Variants in NCKAP1L observed in about 807,000 individuals in gnomAD.
The protein encoded by NCKAP1L is nck-associated protein 1-like.
A neutral mutation model predicts 139.2 loss-of-function variants in NCKAP1L; 53 were observed. The observed-to-expected ratio is 0.38, with a 90% CI of 0.31 to 0.48. The LOEUF is 0.48. Ranked by LOEUF, NCKAP1L falls within the 20% of genes least tolerant of loss-of-function variation. NCKAP1L has a pLI of 0.98. For missense variants in NCKAP1L, 1,151 were observed against 1,381.9 expected, an observed-to-expected ratio of 0.83 and a Z score of 2.65; for synonymous variants, 468 against 499.7, an observed-to-expected ratio of 0.94 and a Z score of 0.85.
intron 30 of NCKAP1L, among the ~76,000 whole-genome samples, chr12:54,541,148 A>G (rs60666964): frequency 0.16 from 23,939 of 152,218 alleles, 2,645 homozygotes; most frequent in African/African-American, 0.32. Context: ...GAATCATGGA[A>G]TCCTAGATGC....
At chr12:54,520,648 T>A (rs930714989) in intron 16 of NCKAP1L, 46 bp from the exon 17 acceptor site, 2 of 1,607,844 alleles carry the variant, frequency 1.2e-6, no homozygotes, top group Admixed American at 1.7e-5. Context: ...ACCACTTTAC[T>A]AATAAGGACT....
chr12:54,516,778 G>A, intron 10 of NCKAP1L, 118 bp from the exon 11 acceptor site: 1 of 858,210 alleles, frequency 1.2e-6, no homozygotes. Context: ...TCTAACTTGA[G>A]CATTGAACCT....
At chr12:54,518,331 G>T (rs543272598) in intron 13 of NCKAP1L, among the ~76,000 whole-genome samples, 7 of 150,348 alleles carry the variant, frequency 4.7e-5, no homozygotes, top group African/African-American at 1.7e-4. Flanking sequence ...GACAGAGCGA[G>T]ACTCTGTCTC....
rs376475018 is a variant in NCKAP1L at position 54,512,116 on chromosome 12, C to T, written c.941+11C>T. The T allele has an allele frequency of 1.6e-5, 26 of 1,613,020 alleles. 1 individual carries two copies. Among genetic ancestry groups the T allele is most frequent in the East Asian group, 1.3e-4 (6 of 44,888 alleles). ...TAGCAGTTTGAAAGGGTGAGAGACA[C>T]GAGAGCCAAACTGATCTTCCTTGAA... On this transcript the variant is annotated intron_variant, in intron 9 of 30. Transcript: ENST00000293373.
chr12:54,516,843 A>G, intron 10 of NCKAP1L, 53 bp from the exon 11 acceptor site: 1 of 1,482,224 alleles, frequency 6.7e-7, no homozygotes, highest in Non-Finnish European at 9.4e-7. Flanking sequence ...CTGCCTGTGG[A>G]GGGTTTTTAA....
chr12:54,532,132 A>G (rs1308885139), intron 25 of NCKAP1L, 38 bp from the exon 26 acceptor site: 1 of 1,467,196 alleles, frequency 6.8e-7, no homozygotes, highest in South Asian at 1.2e-5. Flanking sequence ...GGCATTGGTC[A>G]TGGTCTTGTG....
chr12:54,523,644 G>A, intron 19 of NCKAP1L, 105 bp downstream of exon 19: 7 of 1,475,042 alleles, frequency 4.7e-6, no homozygotes, highest in Non-Finnish European at 6.4e-6. Context: ...GTCATGGTGG[G>A]GAATGAGGGG....
intron 7 of NCKAP1L, 66 bp from the exon 8 acceptor site, chr12:54,511,728 GATCCTAGTT>G: frequency 1.3e-6 from 2 of 1,530,216 alleles, no homozygotes; most frequent in South Asian, 2.4e-5. Flanking sequence ...TTGATACTCA[GATCCTAGTT>G]TGTCCTTTCT....
At chr12:54,518,256 G>A (rs556240603) in intron 13 of NCKAP1L, among the ~76,000 whole-genome samples, 3 of 152,046 alleles carry the variant, frequency 2.0e-5, no homozygotes, top group East Asian at 3.9e-4. Flanking sequence ...GCAGGAGAAC[G>A]GCGTGAACCC....
chr12:54,505,315 C>G (rs937134186), intron 3 of NCKAP1L, among the ~76,000 whole-genome samples: 4 of 152,112 alleles, frequency 2.6e-5, no homozygotes, highest in African/African-American at 7.2e-5. Context: ...TTAGACACAG[C>G]CTTTTTTTGG....
rs896727618 is a variant in NCKAP1L, at chr12:54,527,319, T to C, written c.2375+573T>C. ...GTGGCGCTCTTAACCCAAAATCAGC[T>C]CAGTAGGCGACAGGCTGCAAAGAAG... On this transcript the variant is annotated intron_variant, in intron 21 of 30. Coordinates refer to ENST00000293373, the MANE Select transcript of NCKAP1L (RefSeq NM_005337.5). Among the ~76,000 whole-genome samples the C allele has an allele frequency of 3.6e-4, 54 of 152,006 alleles. 1 individual carries two copies. Among genetic ancestry groups the C allele is most frequent in the African/African-American group, 1.1e-3 (46 of 41,366 alleles).
intron 21 of NCKAP1L, 37 bp downstream of exon 21, chr12:54,526,783 G>A (rs935198791): frequency 5.1e-6 from 8 of 1,564,966 alleles, no homozygotes; most frequent in African/African-American, 2.7e-5. Flanking sequence ...GCCTTACTTT[G>A]TGTTGGCACT....
In NCKAP1L at chr12:54,547,503, C is replaced by CGTGTGTGTGTGTGTGTGT. The variant is rs10691039; in HGVS notation, c.*4832_*4849dup. ...TCACGAATAACTTTGTGTGTGTGTG[C>CGTGTGTGTGTGTGTGTGT]GTGTGTGTGTGTGTGTGTGTGTGTG... On this transcript the variant is annotated 3_prime_UTR_variant, in exon 31 of 31. Transcript: ENST00000293373. 4 of 146,698 alleles carry CGTGTGTGTGTGTGTGTGT rather than the reference C, an allele frequency of 2.7e-5. No individual in the cohort carries two copies. Among genetic ancestry groups the CGTGTGTGTGTGTGTGTGT allele is most frequent in the Non-Finnish European group, 6.0e-5 (4 of 66,626 alleles). 9.1% of individuals were successfully genotyped at this position (146,698 alleles called of 1,614,324 possible). A position where few individuals can be genotyped will look rare whatever the true frequency, so the allele number is the denominator to read the frequency against.
At position 54,521,886 on chromosome 12, in the gene NCKAP1L, A is replaced by ATGTGTG. The variant is rs34410189; in HGVS notation, c.1878+672_1878+677dup. ...AGGCTTGGTAAAGGGGAGTGTGTGT[A>ATGTGTG]TGTGTGTGTGTGTGTGTGTGTGTGT... is the stretch of plus-strand genomic sequence containing the variant. On this transcript the variant is annotated intron_variant, in intron 18 of 30. Coordinates refer to ENST00000293373, the MANE Select transcript of NCKAP1L (RefSeq NM_005337.5). 1.9e-3 allele frequency among the ~76,000 whole-genome samples: 274 copies of ATGTGTG among 147,292 alleles called. 3 individuals are homozygous for ATGTGTG. The highest frequency in any genetic ancestry group is 9.5e-3 in the East Asian group (48 of 5,040).
chr12:54,521,250 CCTCT>C lies in NCKAP1L; in HGVS notation c.1878+15_1878+18del. 1 of 1,613,408 alleles carries C rather than the reference CCTCT, an allele frequency of 6.2e-7. No individual in the cohort carries two copies. The highest frequency in any genetic ancestry group is 2.2e-5 in the East Asian group (1 of 44,844). ...ACCTGAGCGAGCAGGTAGACTCAGC[CCTCT>C]CTGTTTCACTCTCCCCTCTGCCAGC... is the stretch of plus-strand genomic sequence containing the variant. On this transcript the variant is annotated intron_variant, in intron 18 of 30. Coordinates refer to ENST00000293373, the MANE Select transcript of NCKAP1L (RefSeq NM_005337.5).
At position 54,500,650 on chromosome 12, in the gene NCKAP1L, A is replaced by G. The variant is rs144056237; in HGVS notation, c.306+25A>G. ...GGTGAGCTCTCTTGAGCCGTTTCCAATGTAGGCAAGGTCTTTCAGAGGCTA... is the reference window on the plus strand; with the variant it reads ...GGTGAGCTCTCTTGAGCCGTTTCCAGTGTAGGCAAGGTCTTTCAGAGGCTA... On this transcript the variant is annotated intron_variant, in intron 3 of 30. Transcript: ENST00000293373. 1.0e-3 allele frequency: 1,496 copies of G among 1,442,156 alleles called. 19 individuals are homozygous for G. In the African/African-American group the frequency reaches 0.018, roughly 17 times the overall value. 89.3% of individuals were successfully genotyped at this position (1,442,156 alleles called of 1,614,324 possible).
chr12:54,528,798 TA>T (rs1957046070), intron 22 of NCKAP1L, among the ~76,000 whole-genome samples: 2 of 77,150 alleles, frequency 2.6e-5, no homozygotes, highest in African/African-American at 5.9e-5. Flanking sequence ...ACTAATTTTT[TA>T]TATATATATA....
chr12:54,523,021 CTGTTTTCCTACAT>C, intron 18 of NCKAP1L, among the ~76,000 whole-genome samples: 1 of 152,300 alleles, frequency 6.6e-6, no homozygotes, highest in Admixed American at 6.5e-5. Flanking sequence ...CAAAAAATAA[CTGTTTTCCTACAT>C]TGGAAGACCC....
At position 54,500,671 on chromosome 12, in the gene NCKAP1L, G is replaced by A. The variant is rs773300825; in HGVS notation, c.306+46G>A. On this transcript the variant is annotated intron_variant, in intron 3 of 30. Transcript: ENST00000293373. ...TCCAATGTAGGCAAGGTCTTTCAGA[G>A]GCTATTCTTTCTTTAGATGTTCATG... The A allele has an allele frequency of 7.4e-6, 9 of 1,208,748 alleles. No individual in the cohort carries two copies. In the African/African-American group the frequency reaches 9.0e-5, roughly 12 times the overall value. The allele number at this position is 1,208,748 out of a possible 1,614,324, so 74.9% of individuals were successfully genotyped here.
Sources: gnomAD v4.1 joint callset for allele counts (sites outside exome capture counted in the v4.1 genomes callset) on GRCh38, gnomAD v4.1.1 for gene constraint, MANE v1.5 for transcripts, NCBI Gene and HGNC (gene_info 2026-07-23, HGNC 2026-07-21) for gene names.